MAP2K2: variants seen among roughly 807,000 people sequenced by gnomAD.
The protein encoded by MAP2K2 is mitogen-activated protein kinase kinase 2, also known as dual specificity mitogen-activated protein kinase kinase 2.
MAP2K2 carries 24 observed loss-of-function variants against 43.7 expected under a neutral mutation model. The observed-to-expected ratio is 0.55, with a 90% CI of 0.40 to 0.77. MAP2K2 has a LOEUF of 0.77. Ranked by LOEUF, MAP2K2 falls within the 30% of genes least tolerant of loss-of-function variation. The pLI, the probability that MAP2K2 is intolerant of heterozygous loss-of-function variation, is 0.00. For missense variants in MAP2K2, 470 were observed against 566.8 expected, an observed-to-expected ratio of 0.83 and a Z score of 1.73; for synonymous variants, 244 against 239.7, an observed-to-expected ratio of 1.02 and a Z score of -0.17.
rs2041136498 is a variant in MAP2K2, at chr19:4,110,221, T to C, written c.450+288A>G. Among the ~76,000 whole-genome samples the C allele has an allele frequency of 6.6e-6, 1 of 152,108 alleles. No individual in the cohort carries two copies. The highest frequency in any genetic ancestry group is 1.5e-5 in the Non-Finnish European group (1 of 68,022). ...CGGGAGGCTGAGTCAGAAGTATCACTTGAATCTGGGAGGTGGAGGTTGCAG... is the reference window on the plus strand; with the variant it reads ...CGGGAGGCTGAGTCAGAAGTATCACCTGAATCTGGGAGGTGGAGGTTGCAG... On this transcript the variant is annotated intron_variant, in intron 3 of 10. Transcript: ENST00000262948.
intron 2 of MAP2K2, among the ~76,000 whole-genome samples, chr19:4,116,693 C>T (rs548156246): frequency 2.0e-5 from 3 of 152,062 alleles, no homozygotes; most frequent in South Asian, 2.1e-4. Context: ...TATAGAGAAC[C>T]GAGGCAGGCG....
intron 10 of MAP2K2, among the ~76,000 whole-genome samples, chr19:4,092,820 C>T (rs979226737): frequency 2.6e-5 from 4 of 152,132 alleles, no homozygotes; most frequent in Admixed American, 2.6e-4. Flanking sequence ...ACCTGTAATC[C>T]CAGCCCTCTG....
chr19:4,101,441 C>T lies in MAP2K2; in HGVS notation c.529-161G>A, dbSNP rs2041010307. On this transcript the variant is annotated intron_variant, in intron 4 of 10. Transcript: ENST00000262948. This position sits in a 1 kb window ranked among gnomAD's most constrained non-coding sequence, Gnocchi z 6.3. ...CTCGCTGGGGTGGAGCAAGCGAGGC[C>T]AGAGACGAGACAGTGCTGACAGCCC... Among the ~76,000 whole-genome samples the T allele has an allele frequency of 6.6e-6, 1 of 152,164 alleles. No homozygotes were observed. Among genetic ancestry groups the T allele is most frequent in the South Asian group, 2.1e-4 (1 of 4,838 alleles).
At chr19:4,114,178 C>T (rs955727418) in intron 2 of MAP2K2, among the ~76,000 whole-genome samples, 18 of 152,092 alleles carry the variant, frequency 1.2e-4, no homozygotes, top group Non-Finnish European at 2.4e-4. Context: ...GCTAGGGGAC[C>T]GCAGTGCAGT....
At chr19:4,102,555 G>A (rs550164660) in intron 3 of MAP2K2, 102 bp from the exon 4 acceptor site, 76 of 1,003,898 alleles carry the variant, frequency 7.6e-5, no homozygotes, top group East Asian at 2.9e-4. Context: ...GCCTCCTGAC[G>A]GGAAGCAGGG....
chr19:4,101,623 A>G lies in MAP2K2; in HGVS notation c.529-343T>C, dbSNP rs1215255022. Among the ~76,000 whole-genome samples, 1 of 152,134 alleles carries G rather than the reference A, an allele frequency of 6.6e-6. No homozygotes were observed. The highest frequency in any genetic ancestry group is 1.5e-5 in the Non-Finnish European group (1 of 68,014). ...CTGGGCTGCCGAGTTTGCCCACATC[A>G]GCCTGAAAGGCAGCATCTGGGGTCC... On this transcript the variant is annotated intron_variant, in intron 4 of 10. Transcript: ENST00000262948. This position sits in a 1 kb window ranked among gnomAD's most constrained non-coding sequence, Gnocchi z 6.3.
intron 6 of MAP2K2, chr19:4,099,665 C>A: frequency 3.6e-6 from 2 of 551,840 alleles, no homozygotes; most frequent in Non-Finnish European, 6.5e-6. Flanking sequence ...CTGCAATGCT[C>A]AGCACTTTTG....
At chr19:4,090,773 G>A in intron 10 of MAP2K2, 65 bp from the exon 11 acceptor site, 7 of 1,090,334 alleles carry the variant, frequency 6.4e-6, no homozygotes, top group African/African-American at 1.6e-5. Context: ...GAGGGCCAGC[G>A]TCTGCCCAGC....
chr19:4,093,624 G>A (rs2040875974), intron 10 of MAP2K2, among the ~76,000 whole-genome samples: 1 of 152,128 alleles, frequency 6.6e-6, no homozygotes, highest in Non-Finnish European at 1.5e-5. Context: ...GGGAGGCTGA[G>A]ACTGCAGTGA....
rs1250820786 is a variant in MAP2K2 at position 4,102,815 on chromosome 19, A to G, written c.451-362T>C. ...GTGGGGCCCGCACTCCCTGCAGCCT[A>G]CGTGGTGGGCTTGTCTGTGCGCCAC... is the stretch of plus-strand genomic sequence containing the variant. On this transcript the variant is annotated intron_variant, in intron 3 of 10. Transcript: ENST00000262948. 5.7e-6 allele frequency: 7 copies of G among 1,223,506 alleles called. No homozygotes were observed. The Admixed American group carries it at 2.5e-4, about 43-fold the overall frequency. 75.8% of individuals were successfully genotyped at this position (1,223,506 alleles called of 1,614,324 possible).
intron 1 of MAP2K2, among the ~76,000 whole-genome samples, chr19:4,120,506 G>A (rs531955502): frequency 2.6e-5 from 4 of 152,050 alleles, no homozygotes; most frequent in South Asian, 2.1e-4. Context: ...TAATAGAGAC[G>A]GGGTTTTGCC....
chr19:4,123,746 G>A (rs1223561638), intron 1 of MAP2K2, 38 bp downstream of exon 1: 5 of 1,379,318 alleles, frequency 3.6e-6, no homozygotes, highest in South Asian at 1.3e-5. Context: ...TCCCTGCCCC[G>A]TGCACCCCAA....
chr19:4,112,018 T>C (rs924996903), intron 2 of MAP2K2, among the ~76,000 whole-genome samples: 1 of 151,722 alleles, frequency 6.6e-6, no homozygotes, highest in Non-Finnish European at 1.5e-5. Context: ...GGGCAACCCC[T>C]AACCCCATGG....
At chr19:4,119,828 C>G (rs937086422) in intron 1 of MAP2K2, among the ~76,000 whole-genome samples, 6 of 152,346 alleles carry the variant, frequency 3.9e-5, no homozygotes, top group Middle Eastern at 6.8e-3. Context: ...AGAGAGGGGA[C>G]TGAAGCAGGG....
At chr19:4,108,481 G>T (rs1457311877) in intron 3 of MAP2K2, among the ~76,000 whole-genome samples, 3 of 149,790 alleles carry the variant, frequency 2.0e-5, no homozygotes, top group African/African-American at 4.9e-5. Context: ...GAATAGTCTC[G>T]ATCTCCTGAA....
rs751324814 is a variant in MAP2K2 at position 4,102,468 on chromosome 19, A to T, written c.451-15T>A. 6.4e-7 allele frequency: 1 copy of T among 1,572,850 alleles called. No individual in the cohort carries two copies. Among genetic ancestry groups the T allele is most frequent in the South Asian group, 1.1e-5 (1 of 87,524 alleles). On this transcript the variant is annotated splice_polypyrimidine_tract_variant and intron_variant, in intron 3 of 10. Coordinates refer to ENST00000262948, the MANE Select transcript of MAP2K2 (RefSeq NM_030662.4). ...GAGCCGCCGTCCTAGAGGGCACACA[A>T]GGAGTGAGTGCAGGCTCTGCGCAGG...
At chr19:4,090,754 T>C in intron 10 of MAP2K2, 46 bp from the exon 11 acceptor site, 3 of 1,339,562 alleles carry the variant, frequency 2.2e-6, no homozygotes, top group South Asian at 1.3e-5. Flanking sequence ...GGAGTCACAG[T>C]AGGACGGGGA....
intron 1 of MAP2K2, among the ~76,000 whole-genome samples, chr19:4,119,218 T>TTTA (rs1400606383): frequency 5.3e-5 from 8 of 151,938 alleles, no homozygotes; most frequent in African/African-American, 1.9e-4. Context: ...TTAATTAATT[T>TTTA]TTATTATTAT....
At chr19:4,102,533 A>AGT in intron 3 of MAP2K2, 80 bp from the exon 4 acceptor site, 2 of 1,140,808 alleles carry the variant, frequency 1.8e-6, no homozygotes, top group Non-Finnish European at 2.6e-6. Flanking sequence ...ACTCCCGGCG[A>AGT]GGGGGTGGTC....
Sources: allele counts gnomAD v4.1 joint callset (sites outside exome capture counted in the v4.1 genomes callset), GRCh38; gene constraint gnomAD v4.1.1; non-coding constraint Gnocchi (gnomAD v3.1); transcripts MANE v1.5; gene names NCBI Gene and HGNC (gene_info 2026-07-23, HGNC 2026-07-21).